WDR4: variants seen among roughly 807,000 people sequenced by gnomAD.
The protein encoded by WDR4 is WDR4 tRNA N7-guanosine methyltransferase non-catalytic subunit, also known as tRNA (guanine-N(7)-)-methyltransferase non-catalytic subunit WDR4.
In WDR4, 47 loss-of-function variants were observed where a neutral mutation model predicts 48.6. That is an observed-to-expected ratio of 0.97 (90% CI 0.77 to 1.23). The LOEUF (loss-of-function observed/expected upper bound fraction) is 1.23, where lower values mean the gene tolerates loss of function less well. Among genes scored for constraint, WDR4 ranks in the 50% most tolerant of loss-of-function variants. The pLI is 0.00. For synonymous variants in WDR4, 268 were observed against 230.0 expected (o/e 1.17, Z -1.49); for missense variants, 606 against 551.6 (o/e 1.10, Z -0.99).
chr21:42,859,187 C>T lies in WDR4; in HGVS notation c.627+475G>A, dbSNP rs375974893. Among the ~76,000 whole-genome samples, 11 of 151,652 alleles carry T rather than the reference C, an allele frequency of 7.3e-5. No individual in the cohort carries two copies. In the East Asian group the frequency reaches 1.6e-3, roughly 21 times the overall value. The stretch of plus-strand genomic sequence containing the variant: ...CCAGCTACTTGGGAGGCCAAGGAGG[C>T]AGATCGCTTGAGCCCAGGAGTTTGA... On this transcript the variant is annotated intron_variant, in intron 6 of 10. Transcript: ENST00000398208.
intron 10 of WDR4, among the ~76,000 whole-genome samples, chr21:42,851,219 T>C (rs555941043): frequency 3.3e-5 from 5 of 152,322 alleles, no homozygotes; most frequent in East Asian, 3.9e-4. Context: ...TGCCCGGCCA[T>C]GAGCACTGCC....
rs1479239666 is a variant in WDR4 at position 42,862,066 on chromosome 21, T to C, written c.566+216A>G. Among the ~76,000 whole-genome samples, 1 of 152,174 alleles carries C rather than the reference T, an allele frequency of 6.6e-6. No individual in the cohort carries two copies. Among genetic ancestry groups the C allele is most frequent in the Non-Finnish European group, 1.5e-5 (1 of 68,044 alleles). ...TCGGTCAGGCCCAATGCCAAGTTAC[T>C]GGCACAGACTCCGGGTAACAGCGCA... On this transcript the variant is annotated intron_variant, in intron 5 of 10. Coordinates refer to ENST00000398208, the MANE Select transcript of WDR4 (RefSeq NM_018669.6). This position sits in a 1 kb window ranked among gnomAD's most constrained non-coding sequence, Gnocchi z 4.3.
intron 2 of WDR4, among the ~76,000 whole-genome samples, chr21:42,874,114 C>T (rs1002946343): frequency 2.6e-5 from 4 of 152,202 alleles, no homozygotes; most frequent in African/African-American, 9.6e-5. Context: ...GAGGGACCAG[C>T]TGAAGCCATG....
downstream of WDR4, among the ~76,000 whole-genome samples, chr21:42,848,884 G>A (rs1229154682): frequency 1.7e-5 from 1 of 57,942 alleles, no homozygotes; most frequent in South Asian, 5.2e-4. Flanking sequence ...CACAGCGCAC[G>A]ATCACGCGGC....
upstream of WDR4, chr21:42,879,561 G>C: frequency 6.3e-7 from 1 of 1,577,268 alleles, no homozygotes; most frequent in Admixed American, 1.7e-5. Flanking sequence ...CGCACCGGTC[G>C]GTGACGCCAG....
downstream of WDR4, among the ~76,000 whole-genome samples, chr21:42,845,128 A>T (rs933804699): frequency 6.6e-6 from 1 of 152,178 alleles, no homozygotes; most frequent in African/African-American, 2.4e-5. Flanking sequence ...GTGCACATAC[A>T]ATCACCCTCC....
intron 1 of WDR4, among the ~76,000 whole-genome samples, chr21:42,877,013 C>T (rs1052686802): frequency 6.6e-6 from 1 of 151,960 alleles, no homozygotes; most frequent in Non-Finnish European, 1.5e-5. Flanking sequence ...AACGGGGTTT[C>T]TCCATGTTGA....
At chr21:42,846,358 G>A (rs2057711311), downstream of WDR4, among the ~76,000 whole-genome samples, 1 of 152,246 alleles carries the variant, frequency 6.6e-6, no homozygotes, top group South Asian at 2.1e-4. Context: ...GCCACAGCAA[G>A]AGGGAAACTG....
intron 11 of WDR4, among the ~76,000 whole-genome samples, chr21:42,844,151 G>T (rs973615394): frequency 7.2e-5 from 11 of 152,166 alleles, no homozygotes; most frequent in Non-Finnish European, 1.3e-4. Context: ...TGAAGAAGAT[G>T]AGCAGACTCA....
chr21:42,890,518 A>G, the WDR4 span, among the ~76,000 whole-genome samples: 1 of 152,224 alleles, frequency 6.6e-6, no homozygotes, highest in Non-Finnish European at 1.5e-5. Context: ...CCTGGGCAGC[A>G]GAGCGAGACT....
Position 42,864,107 on chromosome 21 carries a change from C to CAA in WDR4, c.297-513_297-512dup, listed in dbSNP as rs776906461. Among the ~76,000 whole-genome samples the CAA allele has an allele frequency of 7.1e-3, 358 of 50,306 alleles. 3 individuals carry two copies. The highest frequency in any genetic ancestry group is 8.0e-3 in the Non-Finnish European group (250 of 31,306). 33.0% of individuals were successfully genotyped at this position (50,306 alleles called of 152,430 possible). On this transcript the variant is annotated intron_variant, in intron 3 of 10. Coordinates refer to ENST00000398208, the MANE Select transcript of WDR4 (RefSeq NM_018669.6). ...GGGGCGACAGAGCGAGACTCCGTCT[C>CAA]AAAAAAAAAAAAAAAAAAAAAAAGA...
rs1602726233 is a variant in WDR4 at position 42,862,195 on chromosome 21, A to T, written c.566+87T>A. ...GCTGTCACCCGCGTGGGGCCTCGCC[A>T]GCTACAACGGCACCTGCTGAGCCGC... On this transcript the variant is annotated intron_variant, in intron 5 of 10. Coordinates refer to ENST00000398208, the MANE Select transcript of WDR4 (RefSeq NM_018669.6). The surrounding 1 kb of genome is among the most constrained non-coding windows in gnomAD (Gnocchi z 4.3). 7.8e-7 allele frequency: 1 copy of T among 1,281,912 alleles called. No homozygotes were observed. The highest frequency in any genetic ancestry group is 2.5e-5 in the East Asian group (1 of 39,440). 79.4% of individuals were successfully genotyped at this position (1,281,912 alleles called of 1,614,324 possible). A position where few individuals can be genotyped will look rare whatever the true frequency, so the allele number is the denominator to read the frequency against.
At chr21:42,873,761 C>G in intron 2 of WDR4, 70 bp from the exon 3 acceptor site, 4 of 1,557,600 alleles carry the variant, frequency 2.6e-6, no homozygotes, top group Non-Finnish European at 3.5e-6. Flanking sequence ...TGTTGGCCAG[C>G]GTGGTAATTT....
chr21:42,850,303 CA>C lies in WDR4; in HGVS notation c.1046-62del, dbSNP rs905826436. 2.0e-5 allele frequency: 29 copies of C among 1,456,098 alleles called. No homozygotes were observed. In the African/African-American group the frequency reaches 3.8e-4, roughly 19 times the overall value. The allele number at this position is 1,456,098 out of a possible 1,614,324, so 90.2% of individuals were successfully genotyped here. A position where few individuals can be genotyped will look rare whatever the true frequency, so the allele number is the denominator to read the frequency against. On this transcript the variant is annotated intron_variant, in intron 10 of 10. Transcript: ENST00000398208. ...GCAGGAACATGGGACTCGGCCACCACAGCGGGCCCCCTGCAGCAGGGAGTTA... is the reference window on the plus strand; with the variant it reads ...GCAGGAACATGGGACTCGGCCACCACGCGGGCCCCCTGCAGCAGGGAGTTA...
Position 42,873,659 on chromosome 21 carries a change from G to A in WDR4, c.188C>T (p.Ala63Val), listed in dbSNP as rs370450877. 2.1e-4 allele frequency: 337 copies of A among 1,613,994 alleles called. No homozygotes were observed. Among genetic ancestry groups the A allele is most frequent in the Admixed American group, 3.3e-4 (20 of 59,992 alleles). Residue 63 changes from alanine (A) to valine (V), a missense_variant, in exon 3 of 11, where the codon GCG becomes GTG. Ala to Val is a moderately conservative substitution (Grantham distance 64). Coordinates refer to ENST00000398208, the MANE Select transcript of WDR4 (RefSeq NM_018669.6). ...EDAPLDQGSG[A>V]ILASTFSKSG... ...CTTGGAGAAGGTGGACGCCAGAATC[G>A]CACCGCTCCCCTGGTCCAAGGGCGC... is the stretch of plus-strand genomic sequence containing the variant.
rs1435075990 is a variant in WDR4, at chr21:42,853,652, C to T, written c.892G>A (p.Glu298Lys). The change falls in exon 9 of 11, where the codon GAG becomes AAG. Residue 298 changes from glutamate to lysine, a missense_variant. Glu to Lys is a moderately conservative substitution (Grantham distance 56). Coordinates refer to ENST00000398208, the MANE Select transcript of WDR4 (RefSeq NM_018669.6). Reference protein sequence around the residue: ...FQHQVWDVAFEETQGLWVLQD... With the variant: ...FQHQVWDVAFKETQGLWVLQD... ...AGCACCCACAGCCCCTGGGTCTCCT[C>T]GAAAGCCACGTCCCACACTTGGTGC... 5.6e-6 allele frequency: 9 copies of T among 1,601,216 alleles called. No individual in the cohort carries two copies. Among genetic ancestry groups the T allele is most frequent in the Non-Finnish European group, 6.8e-6 (8 of 1,175,174 alleles).
chr21:42,865,955 G>A (rs58834942), intron 3 of WDR4, among the ~76,000 whole-genome samples: 15 of 152,166 alleles, frequency 9.9e-5, no homozygotes, highest in African/African-American at 3.4e-4. Context: ...AGGGCACTGA[G>A]GACACCAGGC....
rs184612643 is a variant in WDR4, at chr21:42,859,386, G to A, written c.627+276C>T. ...TGAGATCCTGATCCCCGATACCATC[G>A]TAGATGCAGCAGCCGCCCTCAGAAG... On this transcript the variant is annotated intron_variant, in intron 6 of 10. Transcript: ENST00000398208. Among the ~76,000 whole-genome samples the A allele has an allele frequency of 8.5e-5, 13 of 152,332 alleles. No homozygotes were observed. In the East Asian group the frequency reaches 2.5e-3, roughly 29 times the overall value.
chr21:42,849,939 G>C lies in WDR4; in HGVS notation c.*110C>G, dbSNP rs1352403099. 7.2e-7 allele frequency: 1 copy of C among 1,386,004 alleles called. No homozygotes were observed. Among genetic ancestry groups the C allele is most frequent in the Non-Finnish European group, 1.0e-6 (1 of 1,002,226 alleles). 85.9% of individuals were successfully genotyped at this position (1,386,004 alleles called of 1,614,324 possible). ...GGGGACAGCCCCATCCTCTGAGCTG[G>C]TCACAACTGATGTCACCTTTTCCTT... On this transcript the variant is annotated 3_prime_UTR_variant, in exon 11 of 11. Transcript: ENST00000398208.
Sources: gnomAD v4.1 joint callset for allele counts (sites outside exome capture counted in the v4.1 genomes callset) on GRCh38, gnomAD v4.1.1 for gene constraint, Gnocchi (gnomAD v3.1) non-coding constraint, MANE v1.5 for transcripts, NCBI Gene and HGNC (gene_info 2026-07-23, HGNC 2026-07-21) for gene names.